Variants in DAB1 observed in about 807,000 individuals in gnomAD.
The protein encoded by DAB1 is disabled homolog 1.
A neutral mutation model predicts 64.6 loss-of-function variants in DAB1; 15 were observed. The ratio of observed to expected loss-of-function variants is 0.23; its 90% CI spans 0.16 to 0.36. The LOEUF (loss-of-function observed/expected upper bound fraction) is 0.36. Among genes scored for constraint, DAB1 ranks in the 10% least tolerant of loss-of-function variants. The pLI, the probability that DAB1 is intolerant of heterozygous loss-of-function variation, is 1.00. For missense variants in DAB1, 596 were observed against 706.7 expected (o/e 0.84, Z 1.78); for synonymous variants, 235 against 251.9 (o/e 0.93, Z 0.64).
At chr1:57,586,041 G>A (rs372093753) in intron 7 of DAB1, among the ~76,000 whole-genome samples, 29 of 152,142 alleles carry the variant, frequency 1.9e-4, no homozygotes, top group East Asian at 1.5e-3. Flanking sequence ...ATAACCATAC[G>A]TTCTCACATC....
chr1:57,448,670 A>G (rs1686238701), intron 7 of DAB1, among the ~76,000 whole-genome samples: 1 of 152,134 alleles, frequency 6.6e-6, no homozygotes, highest in South Asian at 2.1e-4. Flanking sequence ...GAGTAGGTCT[A>G]TTTATTTTGA....
chr1:57,734,111 T>TAA (rs981950987), intron 6 of DAB1, among the ~76,000 whole-genome samples: 2 of 147,164 alleles, frequency 1.4e-5, no homozygotes, highest in African/African-American at 5.0e-5. Context: ...GAGGCGTGGA[T>TAA]AAAAAAAAAA....
intron 3 of DAB1, among the ~76,000 whole-genome samples, chr1:58,403,990 A>C (rs1007969114): frequency 2.0e-5 from 3 of 152,246 alleles, no homozygotes; most frequent in African/African-American, 7.2e-5. Flanking sequence ...TGGTCTGGAG[A>C]AGATTCCAAG....
intron 3 of DAB1, among the ~76,000 whole-genome samples, chr1:58,388,401 A>G (rs1267033592): frequency 6.6e-6 from 1 of 152,234 alleles, no homozygotes; most frequent in East Asian, 1.9e-4. Context: ...TGTTTCTCTG[A>G]TAGAAAGAGA....
At chr1:57,567,494 C>T (rs6661624) in intron 7 of DAB1, among the ~76,000 whole-genome samples, 71,422 of 151,972 alleles carry the variant, frequency 0.47, 16,769 homozygotes, top group South Asian at 0.6. Flanking sequence ...ATTGTCCCTG[C>T]TTGCAGATGA....
intron 1 of DAB1, among the ~76,000 whole-genome samples, chr1:58,536,290 G>T (rs1238624737): frequency 6.6e-6 from 1 of 152,068 alleles, no homozygotes; most frequent in African/African-American, 2.4e-5. Flanking sequence ...TGACATTTAA[G>T]GTGAAATGTG....
intron 6 of DAB1, among the ~76,000 whole-genome samples, chr1:57,739,869 C>G (rs1647895259): frequency 6.6e-6 from 1 of 151,820 alleles, no homozygotes; most frequent in Admixed American, 6.6e-5. Context: ...TTTTTTGTAG[C>G]ATGCATTATA....
chr1:57,441,955 G>A (rs1197875652), intron 7 of DAB1, among the ~76,000 whole-genome samples: 1 of 152,070 alleles, frequency 6.6e-6, no homozygotes, highest in Non-Finnish European at 1.5e-5. Context: ...TGTTATTGTT[G>A]CACTTTTTAA....
intron 3 of DAB1, among the ~76,000 whole-genome samples, chr1:58,499,501 GATAGATAA>G (rs756586329): frequency 0.014 from 2,139 of 150,610 alleles, 37 homozygotes; most frequent in Middle Eastern, 0.048. Context: ...TAGATAGATA[GATAGATAA>G]ATAGATAGAT....
chr1:58,506,171 C>T (rs749308272), exon 3 of DAB1: 3 of 872,150 alleles, frequency 3.4e-6, no homozygotes, highest in Non-Finnish European at 6.0e-6. Flanking sequence ...ACTCCATTTG[C>T]TGCCAAAACA....
chr1:57,339,081 G>A (rs1168094439), intron 1 of DAB1, among the ~76,000 whole-genome samples: 2 of 151,680 alleles, frequency 1.3e-5, no homozygotes, highest in Non-Finnish European at 2.9e-5. Flanking sequence ...GTCTGTTACT[G>A]TAATGTTACT....
At chr1:58,495,596 A>G (rs1645786211) in intron 3 of DAB1, among the ~76,000 whole-genome samples, 1 of 152,072 alleles carries the variant, frequency 6.6e-6, no homozygotes, top group African/African-American at 2.4e-5. Flanking sequence ...TGTATATTTT[A>G]TCTAATTCCT....
chr1:58,083,392 A>G (rs2100596545), intron 5 of DAB1, among the ~76,000 whole-genome samples: 1 of 152,346 alleles, frequency 6.6e-6, no homozygotes, highest in East Asian at 1.9e-4. Flanking sequence ...AAGGCACTCT[A>G]GTATTATGAA....
intron 4 of DAB1, among the ~76,000 whole-genome samples, chr1:58,172,355 G>A (rs1415578824): frequency 6.6e-6 from 1 of 152,166 alleles, no homozygotes; most frequent in African/African-American, 2.4e-5. Flanking sequence ...GGGTAGTTGT[G>A]GTGGTGGCCG....
chr1:58,370,413 G>A (rs866740062), intron 3 of DAB1, among the ~76,000 whole-genome samples: 1 of 126,438 alleles, frequency 7.9e-6, no homozygotes, highest in Non-Finnish European at 1.7e-5. Flanking sequence ...GTGTGTGTGT[G>A]TGTGTATGCT....
intron 5 of DAB1, among the ~76,000 whole-genome samples, chr1:58,109,683 C>T (rs1413422826): frequency 1.3e-5 from 2 of 151,744 alleles, no homozygotes; most frequent in African/African-American, 4.8e-5. Flanking sequence ...GGGCTGATGG[C>T]AAGGAAGGAT....
chr1:57,251,173 A>G (rs569499966), intron 2 of DAB1, among the ~76,000 whole-genome samples: 5 of 152,318 alleles, frequency 3.3e-5, no homozygotes, highest in African/African-American at 1.2e-4. Context: ...GATTTTACCA[A>G]TGTGAATGAC....
At chr1:57,858,851 T>G (rs1020776624) in intron 1 of DAB1, among the ~76,000 whole-genome samples, 1 of 151,270 alleles carries the variant, frequency 6.6e-6, no homozygotes, top group African/African-American at 2.4e-5. Context: ...TTCAGTCCAC[T>G]AACCTGAGGG....
intron 1 of DAB1, among the ~76,000 whole-genome samples, chr1:57,352,135 C>G (rs368363712): frequency 6.6e-6 from 1 of 152,000 alleles, no homozygotes; most frequent in Admixed American, 6.6e-5. Flanking sequence ...ACAAGCATGA[C>G]AAGATGGAAA....
Sources: allele counts gnomAD v4.1 joint callset (sites outside exome capture counted in the v4.1 genomes callset), GRCh38; gene constraint gnomAD v4.1.1; transcripts MANE v1.5; gene names NCBI Gene and HGNC (gene_info 2026-07-23, HGNC 2026-07-21).